Variants in EXOSC7 observed in about 807,000 individuals in gnomAD.
EXOSC7 encodes the protein exosome complex component RRP42.
In EXOSC7, 25 loss-of-function variants were observed where a neutral mutation model predicts 34.3. That is an observed-to-expected ratio of 0.73 (90% CI 0.53 to 1.02). The LOEUF (loss-of-function observed/expected upper bound fraction) is 1.02, where lower values mean the gene tolerates loss of function less well. EXOSC7 is among the 50% of genes least tolerant of loss of function. The pLI, the probability that EXOSC7 is intolerant of heterozygous loss-of-function variation, is 0.00. For synonymous variants in EXOSC7, 130 were observed against 143.0 expected (o/e 0.91, Z 0.65); for missense variants, 370 against 368.5 (o/e 1.00, Z -0.03).
chr3:45,011,338 G>A lies in EXOSC7; in HGVS notation c.875G>A (p.Ter292=), dbSNP rs146838012. 72 of 1,587,130 alleles carry A rather than the reference G, an allele frequency of 4.5e-5. No homozygotes were observed. In the African/African-American group the frequency reaches 9.6e-4, roughly 21 times the overall value. The change falls in exon 8 of 8, where the codon TGA becomes TAA. Residue 292 remains the stop codon, a stop_retained_variant. Coordinates refer to ENST00000265564, the MANE Select transcript of EXOSC7 (RefSeq NM_015004.4). The part of the protein sequence containing the change: ...PKRQKVGFLG[*] Reference sequence around the variant, plus strand: ...AGACAGAAAGTTGGATTCCTGGGATGATTTGCACATCAACTGCTCAACTGT... The same window carrying A: ...AGACAGAAAGTTGGATTCCTGGGATAATTTGCACATCAACTGCTCAACTGT...
intron 3 of EXOSC7, among the ~76,000 whole-genome samples, chr3:44,993,020 T>C (rs1706613253): frequency 6.6e-6 from 1 of 152,210 alleles, no homozygotes; most frequent in African/African-American, 2.4e-5. Flanking sequence ...CATTGGTGGT[T>C]GGAGTCACTA....
intron 4 of EXOSC7, among the ~76,000 whole-genome samples, chr3:45,000,669 C>T (rs575140843): frequency 6.6e-6 from 1 of 152,320 alleles, no homozygotes; most frequent in South Asian, 2.1e-4. Flanking sequence ...GTCTGAGCAT[C>T]AGATATACAT....
chr3:44,989,542 G>A lies in EXOSC7; in HGVS notation c.160-8G>A, dbSNP rs1706514611. On this transcript the variant is annotated splice_region_variant and splice_polypyrimidine_tract_variant and intron_variant, in intron 2 of 7. Coordinates refer to ENST00000265564, the MANE Select transcript of EXOSC7 (RefSeq NM_015004.4). Reference sequence around the variant, plus strand: ...CTGAGTGAGGACTCTTCTTGCATGTGTCTGCAGGGTCACACAGACATCTTG... The same window carrying A: ...CTGAGTGAGGACTCTTCTTGCATGTATCTGCAGGGTCACACAGACATCTTG... 6.2e-7 allele frequency: 1 copy of A among 1,611,668 alleles called. No homozygotes were observed. Among genetic ancestry groups the A allele is most frequent in the African/African-American group, 1.3e-5 (1 of 74,862 alleles).
intron 1 of EXOSC7, among the ~76,000 whole-genome samples, chr3:44,985,258 TACTC>T (rs1204734700): frequency 6.6e-6 from 1 of 152,228 alleles, no homozygotes; most frequent in Non-Finnish European, 1.5e-5. Context: ...CCTAAAGGCT[TACTC>T]TCTTAGACTT....
chr3:44,980,862 C>T (rs1321378698), intron 1 of EXOSC7, among the ~76,000 whole-genome samples: 1 of 152,176 alleles, frequency 6.6e-6, no homozygotes, highest in South Asian at 2.1e-4. Context: ...CTTTGTATAG[C>T]TTTTGTCTTA....
chr3:44,998,036 T>TTG (rs1706772172), intron 4 of EXOSC7, among the ~76,000 whole-genome samples: 2 of 151,068 alleles, frequency 1.3e-5, no homozygotes, highest in African/African-American at 4.9e-5. Flanking sequence ...TTTTTGTTTT[T>TTG]TTGTTTTTTT....
At chr3:44,996,904 G>C (rs1706736261) in intron 3 of EXOSC7, among the ~76,000 whole-genome samples, 183 bp from the exon 4 acceptor site, 1 of 152,212 alleles carries the variant, frequency 6.6e-6, no homozygotes, top group South Asian at 2.1e-4. Context: ...GTGCTGGTCT[G>C]GTTCATTACA....
At chr3:44,996,387 G>A (rs758650699) in intron 3 of EXOSC7, among the ~76,000 whole-genome samples, 5 of 151,956 alleles carry the variant, frequency 3.3e-5, no homozygotes, top group Admixed American at 3.3e-4. Context: ...AGGTTATTGG[G>A]CATAAATATC....
At chr3:45,003,536 G>A (rs2125971710) in intron 5 of EXOSC7, among the ~76,000 whole-genome samples, 1 of 152,224 alleles carries the variant, frequency 6.6e-6, no homozygotes, top group South Asian at 2.1e-4. Flanking sequence ...GTGTATGGAT[G>A]GCCAGCAGGG....
chr3:45,003,342 CGTGCG>C (rs1706936120), intron 5 of EXOSC7, among the ~76,000 whole-genome samples: 1 of 80,280 alleles, frequency 1.2e-5, no homozygotes, highest in African/African-American at 3.6e-5. Flanking sequence ...TGCGTGCGTG[CGTGCG>C]TGCGTGTGTG....
In EXOSC7 at chr3:45,011,232, C is replaced by T; in HGVS notation, c.772-3C>T. 3.1e-6 allele frequency: 5 copies of T among 1,604,860 alleles called. No homozygotes were observed. The South Asian group carries it at 5.6e-5, about 18-fold the overall frequency. On this transcript the variant is annotated splice_region_variant and splice_polypyrimidine_tract_variant and intron_variant, in intron 7 of 7. Coordinates refer to ENST00000265564, the MANE Select transcript of EXOSC7 (RefSeq NM_015004.4). ...TGTGCTCTCTCCCGTCCCTTCTCCACAGACTGGCAAGCGTGTGGGCAAGGT... is the reference window on the plus strand; with the variant it reads ...TGTGCTCTCTCCCGTCCCTTCTCCATAGACTGGCAAGCGTGTGGGCAAGGT...
At chr3:44,981,422 T>C (rs757782832) in intron 1 of EXOSC7, among the ~76,000 whole-genome samples, 2 of 152,166 alleles carry the variant, frequency 1.3e-5, no homozygotes, top group African/African-American at 2.4e-5. Flanking sequence ...ATAAGAGATG[T>C]CAAGCACTTG....
intron 3 of EXOSC7, among the ~76,000 whole-genome samples, chr3:44,991,951 TGA>T (rs1706586540): frequency 6.6e-6 from 1 of 152,174 alleles, no homozygotes; most frequent in African/African-American, 2.4e-5. Flanking sequence ...AGAATCACCA[TGA>T]GAGAGTCACA....
intron 3 of EXOSC7, among the ~76,000 whole-genome samples, chr3:44,995,752 G>C (rs185789836): frequency 6.6e-6 from 1 of 152,326 alleles, no homozygotes; most frequent in Admixed American, 6.5e-5. Flanking sequence ...AGTGGTAAAG[G>C]AGGAGTACAT....
chr3:44,997,562 G>A (rs369769190), intron 4 of EXOSC7, among the ~76,000 whole-genome samples: 1 of 152,224 alleles, frequency 6.6e-6, no homozygotes, highest in East Asian at 1.9e-4. Flanking sequence ...GCCAGACAGA[G>A]TTCATGGGCA....
At chr3:44,981,917 A>G (rs1400327952) in intron 1 of EXOSC7, among the ~76,000 whole-genome samples, 1 of 151,918 alleles carries the variant, frequency 6.6e-6, no homozygotes, top group Non-Finnish European at 1.5e-5. Flanking sequence ...GAGAAGGGGG[A>G]TCTGTGGCAA....
downstream of EXOSC7, chr3:45,011,567 C>T (rs1697289071): frequency 2.8e-6 from 1 of 351,264 alleles, no homozygotes; most frequent in Non-Finnish European, 5.1e-6. Context: ...CAGACAAATC[C>T]AGAGCTCTGC....
chr3:45,004,524 G>A (rs1706975100), intron 5 of EXOSC7: 2 of 150,600 alleles, frequency 1.3e-5, no homozygotes, highest in Non-Finnish European at 3.0e-5. Context: ...TGAAAGTACT[G>A]GGATTACAGG....
At chr3:44,989,462 C>T (rs553241390) in intron 2 of EXOSC7, 88 bp from the exon 3 acceptor site, 1 of 1,116,538 alleles carries the variant, frequency 9.0e-7, no homozygotes, top group African/African-American at 1.5e-5. Flanking sequence ...AAAGAGTCCC[C>T]CAGGGGTGTA....
Sources: gnomAD v4.1 joint callset for allele counts (sites outside exome capture counted in the v4.1 genomes callset) on GRCh38, gnomAD v4.1.1 for gene constraint, MANE v1.5 for transcripts, NCBI Gene and HGNC (gene_info 2026-07-23, HGNC 2026-07-21) for gene names.